Variants in ESPNL observed in about 807,000 individuals in gnomAD.
ESPNL encodes the protein espin like.
In ESPNL, 49 loss-of-function variants were observed where a neutral mutation model predicts 46.8. The observed-to-expected ratio is 1.05, with a 90% CI of 0.83 to 1.33. The LOEUF (loss-of-function observed/expected upper bound fraction) is 1.33. Among genes scored for constraint, ESPNL ranks in the 40% most tolerant of loss-of-function variants. The pLI, the probability that ESPNL is intolerant of heterozygous loss-of-function variation, is 0.00. For missense variants in ESPNL, 1,540 were observed against 1,436.6 expected (o/e 1.07, Z -1.16); for synonymous variants, 664 against 662.1 (o/e 1.00, Z -0.04).
chr2:238,129,268 G>A, intron 8 of ESPNL: 3 of 1,148,820 alleles, frequency 2.6e-6, no homozygotes, highest in Non-Finnish European at 3.2e-6. Flanking sequence ...TCCCACTGCT[G>A]TGGAGAAAGC....
chr2:238,130,832 C>T lies in ESPNL; in HGVS notation c.2118C>T (p.Gly706=), dbSNP rs1408076981. The stretch of plus-strand genomic sequence containing the variant: ...TGGCTTCAGGGGAGCCCAGGCCTGG[C>T]GACACAGAGGAGGCCAGCGACTCTG... The part of the protein sequence containing the change: ...SGLASGEPRP[G]DTEEASDSGI... Residue 706 remains glycine (G), a synonymous_variant, in exon 9 of 9, where the codon GGC becomes GGT. Transcript: ENST00000343063. The T allele has an allele frequency of 2.4e-5, 37 of 1,548,050 alleles. No individual in the cohort carries two copies. Among genetic ancestry groups the T allele is most frequent in the Admixed American group, 3.9e-5 (2 of 51,854 alleles).
At chr2:238,100,780 A>T in intron 1 of ESPNL, 67 bp downstream of exon 1, 2 of 1,345,936 alleles carry the variant, frequency 1.5e-6, no homozygotes, top group Non-Finnish European at 1.9e-6. Flanking sequence ...GGTGTGAGCC[A>T]CGGAGGATCA....
intron 4 of ESPNL, 137 bp downstream of exon 4, chr2:238,108,110 G>A (rs113859253): frequency 8.4e-6 from 7 of 831,476 alleles, no homozygotes; most frequent in Non-Finnish European, 1.1e-5. Flanking sequence ...GCTCTAAGTG[G>A]CACTGTCACT....
At chr2:238,107,397 C>T (rs988980423) in intron 3 of ESPNL, among the ~76,000 whole-genome samples, 14 of 152,200 alleles carry the variant, frequency 9.2e-5, no homozygotes, top group Admixed American at 3.9e-4. Context: ...AAATGCCCAA[C>T]GAGGCAGCGC....
At chr2:238,108,582 C>T (rs888119646) in intron 4 of ESPNL, among the ~76,000 whole-genome samples, 12 of 152,188 alleles carry the variant, frequency 7.9e-5, no homozygotes, top group East Asian at 5.8e-4. Context: ...CAGCCCCATC[C>T]GGTCCTGAGC....
chr2:238,130,917 A>C lies in ESPNL; in HGVS notation c.2203A>C (p.Ser735Arg). The change falls in exon 9 of 9, where the codon AGC becomes CGC. Residue 735 changes from serine (S) to arginine (R), a missense_variant. Coordinates refer to ENST00000343063, the MANE Select transcript of ESPNL (RefSeq NM_194312.4). The part of the protein sequence containing the change: ...AGAAAGPDLA[S>R]LRKERIIMLF... The stretch of plus-strand genomic sequence containing the variant: ...TGCCGCAGCCGGCCCAGACCTGGCC[A>C]GCCTGCGCAAGGAGCGCATCATCAT... 1 of 1,548,340 alleles carries C rather than the reference A, an allele frequency of 6.5e-7. No homozygotes were observed. The highest frequency in any genetic ancestry group is 1.2e-5 in the South Asian group (1 of 84,252).
At chr2:238,128,284 G>GA (rs1435786501) in intron 7 of ESPNL, among the ~76,000 whole-genome samples, 1 of 152,194 alleles carries the variant, frequency 6.6e-6, no homozygotes, top group African/African-American at 2.4e-5. Context: ...GCCCGTCGTG[G>GA]AGAGCTGGAG....
Position 238,106,070 on chromosome 2 carries a change from C to T in ESPNL, c.672+1228C>T, listed in dbSNP as rs1337972033. Among the ~76,000 whole-genome samples the T allele has an allele frequency of 3.9e-5, 6 of 152,338 alleles. No individual in the cohort carries two copies. The East Asian group carries it at 9.7e-4, about 25-fold the overall frequency. On this transcript the variant is annotated intron_variant, in intron 3 of 8. Coordinates refer to ENST00000343063, the MANE Select transcript of ESPNL (RefSeq NM_194312.4). ...TCCTCACTCCTGCTTTCCTCCCCAC[C>T]GGCGCACCAGCACCAGGCACACGGC...
intron 5 of ESPNL, among the ~76,000 whole-genome samples, chr2:238,124,394 C>T (rs898736795): frequency 5.9e-5 from 9 of 152,190 alleles, no homozygotes; most frequent in African/African-American, 1.2e-4. Context: ...CATTGGGGAC[C>T]CCATCCTAGT....
At chr2:238,124,463 T>C (rs1187682787) in intron 5 of ESPNL, among the ~76,000 whole-genome samples, 1 of 152,152 alleles carries the variant, frequency 6.6e-6, no homozygotes, top group African/African-American at 2.4e-5. Context: ...CCCAAGACAC[T>C]GACAGGCCCC....
intron 5 of ESPNL, 51 bp downstream of exon 5, chr2:238,117,085 A>G: frequency 6.4e-7 from 1 of 1,558,062 alleles, no homozygotes; most frequent in Non-Finnish European, 8.7e-7. Context: ...GTGGGCCCAG[A>G]CCCCAGCCAG....
In ESPNL at chr2:238,128,857, C is replaced by A; in HGVS notation, c.1366C>A (p.Arg456=). The A allele has an allele frequency of 6.5e-7, 1 of 1,547,758 alleles. No individual in the cohort carries two copies. Among genetic ancestry groups the A allele is most frequent in the Non-Finnish European group, 8.7e-7 (1 of 1,146,828 alleles). The change falls in exon 8 of 9, where the codon CGG becomes AGG. Residue 456 remains arginine (R), a synonymous_variant. Transcript: ENST00000343063. ...IPEWKRQVMV[R]KLQARLGAES... ...AGAGTGGAAGCGGCAGGTGATGGTG[C>A]GGAAGCTGCAGGCGCGCCTGGGCGC...
At chr2:238,127,469 C>T (rs1052988029) in intron 6 of ESPNL, 153 bp from the exon 7 acceptor site, 714 of 1,289,604 alleles carry the variant, frequency 5.5e-4, no homozygotes, top group Non-Finnish European at 7.0e-4. Flanking sequence ...GTGGGGCCCC[C>T]GAGGTGTTCT....
At chr2:238,105,930 C>G (rs1691586830) in intron 3 of ESPNL, among the ~76,000 whole-genome samples, 1 of 152,180 alleles carries the variant, frequency 6.6e-6, no homozygotes, top group African/African-American at 2.4e-5. Context: ...CAGGCTGGCT[C>G]TGCCCCCGGG....
intron 5 of ESPNL, among the ~76,000 whole-genome samples, chr2:238,121,533 G>A (rs1254678660): frequency 6.6e-6 from 1 of 152,234 alleles, no homozygotes; most frequent in African/African-American, 2.4e-5. Context: ...AAGTAGCTGG[G>A]ACTACAGGTG....
rs1278559611 is a variant in ESPNL at position 238,132,872 on chromosome 2, G to A, written c.*1140G>A. 6.6e-6 allele frequency: 1 copy of A among 152,392 alleles called. No homozygotes were observed. The highest frequency in any genetic ancestry group is 1.5e-5 in the Non-Finnish European group (1 of 68,174). 9.4% of individuals were successfully genotyped at this position (152,392 alleles called of 1,614,324 possible). A position where few individuals can be genotyped will look rare whatever the true frequency, so the allele number is the denominator to read the frequency against. On this transcript the variant is annotated 3_prime_UTR_variant, in exon 9 of 9. Transcript: ENST00000343063. The stretch of plus-strand genomic sequence containing the variant: ...GAGATGGCCCAGCAGGGAGTGGCAG[G>A]GACGGGAGGCTTCAGGAATATTCCT...
At chr2:238,129,146 T>G in intron 8 of ESPNL, 1 of 1,399,098 alleles carries the variant, frequency 7.1e-7, no homozygotes, top group Non-Finnish European at 9.3e-7. Context: ...TTGGCGGATT[T>G]GTGGCACATG....
chr2:238,108,024 G>A (rs1481563961), intron 4 of ESPNL, 51 bp downstream of exon 4: 2 of 1,534,670 alleles, frequency 1.3e-6, no homozygotes, highest in Non-Finnish European at 1.8e-6. Flanking sequence ...TGCCAGCCAT[G>A]CCCAGTGCTG....
rs533316796 is a variant in ESPNL at position 238,104,641 on chromosome 2, C to T, written c.486-15C>T. 6.4e-7 allele frequency: 1 copy of T among 1,558,604 alleles called. No homozygotes were observed. Among genetic ancestry groups the T allele is most frequent in the African/African-American group, 1.4e-5 (1 of 73,496 alleles). On this transcript the variant is annotated splice_polypyrimidine_tract_variant and intron_variant, in intron 2 of 8. Transcript: ENST00000343063. ...TAGGCAGGGACTGGGCCTCCAAACC[C>T]TCCCTTCCCTGCAGCAGCGTGAACC... is the stretch of plus-strand genomic sequence containing the variant.
Sources: gnomAD v4.1 joint callset for allele counts (sites outside exome capture counted in the v4.1 genomes callset) on GRCh38, gnomAD v4.1.1 for gene constraint, MANE v1.5 for transcripts, NCBI Gene and HGNC (gene_info 2026-07-23, HGNC 2026-07-21) for gene names.